The following JAK3 variants were observed in gnomAD, a reference collection of about 807,000 sequenced individuals.
JAK3 encodes tyrosine-protein kinase JAK3.
JAK3 carries 88 observed loss-of-function variants against 120.8 expected under a neutral mutation model. That is an observed-to-expected ratio of 0.73 (90% CI 0.61 to 0.87). JAK3 has a LOEUF of 0.87. Ranked by LOEUF, JAK3 falls within the 40% of genes least tolerant of loss-of-function variation. The pLI, the probability that JAK3 is intolerant of heterozygous loss-of-function variation, is 0.00. For missense variants in JAK3, 1,254 were observed against 1,501.4 expected (o/e 0.84, Z 2.72); for synonymous variants, 592 against 628.6 (o/e 0.94, Z 0.87).
At position 17,839,479 on chromosome 19, in the gene JAK3, T is replaced by C; in HGVS notation, c.1439A>G (p.Lys480Arg). Reference protein sequence around the residue: ...TLTSCCIPRPKEKSNLIVVQR... With the variant: ...TLTSCCIPRPREKSNLIVVQR... ...TTCCAGGGGAGGAAGGGGCTCACCT[T>C]TGGGTCTGGGGATACAGCAGGAAGT... The change falls in exon 10 of 24, where the codon AAA becomes AGA. Residue 480 changes from lysine (K) to arginine (R), a missense_variant and splice_region_variant. This residue lies in a region of JAK3 where 486 missense variants were observed against 503.0 expected (regional missense o/e 0.97). Coordinates refer to ENST00000458235, the MANE Select transcript of JAK3 (RefSeq NM_000215.4). The C allele has an allele frequency of 6.3e-7, 1 of 1,578,254 alleles. No homozygotes were observed. The highest frequency in any genetic ancestry group is 8.6e-7 in the Non-Finnish European group (1 of 1,161,008).
intron 17 of JAK3, 83 bp downstream of exon 17, chr19:17,834,488 G>A (rs755264254): frequency 8.1e-5 from 122 of 1,512,904 alleles, no homozygotes; most frequent in Non-Finnish European, 7.5e-5. Context: ...CACACAGGGC[G>A]TGGCCTGCTG....
rs2302603 is a variant in JAK3 at position 17,830,485 on chromosome 19, T to C, written c.3096+18A>G. The C allele has an allele frequency of 0.34, 540,548 of 1,594,026 alleles. 93,618 individuals carry two copies. Among genetic ancestry groups the C allele is most frequent in the Admixed American group, 0.48 (28,224 of 58,744 alleles). ...GTGGAGGGAGAAGAAGGCTGGGGGC[T>C]CTGGGAAGCCGACTCACGGCCGAGG... On this transcript the variant is annotated intron_variant, in intron 22 of 23. Transcript: ENST00000458235.
At position 17,831,004 on chromosome 19, in the gene JAK3, G is replaced by A. The variant is rs1400060024; in HGVS notation, c.2978+224C>T. Among the ~76,000 whole-genome samples, 2 of 150,670 alleles carry A rather than the reference G, an allele frequency of 1.3e-5. No individual in the cohort carries two copies. The highest frequency in any genetic ancestry group is 2.4e-5 in the African/African-American group (1 of 40,880). ...GGGCGGGGCGAGAGCTGAGAGAAGG[G>A]CGGGGCTAAGGCTGGGGGCCGCTGA... On this transcript the variant is annotated intron_variant, in intron 21 of 23. Coordinates refer to ENST00000458235, the MANE Select transcript of JAK3 (RefSeq NM_000215.4). The surrounding 1 kb of genome is among the most constrained non-coding windows in gnomAD (Gnocchi z 5.1).
chr19:17,834,721 T>C lies in JAK3; in HGVS notation c.2200A>G (p.Lys734Glu). 1 of 1,614,064 alleles carries C rather than the reference T, an allele frequency of 6.2e-7. No individual in the cohort carries two copies. Among genetic ancestry groups the C allele is most frequent in the Non-Finnish European group, 8.5e-7 (1 of 1,179,994 alleles). The part of the protein sequence containing the change: ...MPISALDPAK[K>E]LQFYEDRQQL... The stretch of plus-strand genomic sequence containing the variant: ...TGCCGGTCCTCATAAAATTGGAGTT[T>C]CTGAGGGTGAGAGGAGCAGTCGGTA... Residue 734 changes from lysine to glutamate, a missense_variant and splice_region_variant, in exon 17 of 24, where the codon AAA (lysine) becomes GAA (glutamate). This residue lies in a region of JAK3 where 630 missense variants were observed against 819.8 expected (regional missense o/e 0.77). Coordinates refer to ENST00000458235, the MANE Select transcript of JAK3 (RefSeq NM_000215.4).
Position 17,837,231 on chromosome 19 carries a change from G to A in JAK3, c.1702-18C>T, listed in dbSNP as rs951388124. 3 of 1,552,782 alleles carry A rather than the reference G, an allele frequency of 1.9e-6. No individual in the cohort carries two copies. In the African/African-American group the frequency reaches 4.1e-5, roughly 21 times the overall value. On this transcript the variant is annotated intron_variant, in intron 12 of 23. Coordinates refer to ENST00000458235, the MANE Select transcript of JAK3 (RefSeq NM_000215.4). ...AGGAATGACTGGGGAAGGTGGGAAG[G>A]GAGAGAAGATGCGTGGGTTTCTTCC...
At chr19:17,830,951 G>T (rs1271079903) in intron 21 of JAK3, among the ~76,000 whole-genome samples, 1 of 142,126 alleles carries the variant, frequency 7.0e-6, no homozygotes, top group Non-Finnish European at 1.5e-5. Context: ...CGGAGCCAGC[G>T]TGTTGGAGGG....
intron 17 of JAK3, among the ~76,000 whole-genome samples, chr19:17,834,356 A>AAAAT (rs751242728): frequency 3.9e-5 from 6 of 152,276 alleles, no homozygotes; most frequent in African/African-American, 1.2e-4. Context: ...CTCTGTCTCA[A>AAAAT]AAATAAATAA....
intron 23 of JAK3, among the ~76,000 whole-genome samples, chr19:17,827,795 G>A (rs1229945349): frequency 2.1e-5 from 3 of 141,196 alleles, no homozygotes; most frequent in African/African-American, 5.4e-5. Context: ...CCAGCTACTC[G>A]GGAGTCTAAG....
intron 13 of JAK3, chr19:17,836,845 C>G: frequency 1.9e-6 from 1 of 521,344 alleles, no homozygotes; most frequent in South Asian, 1.9e-5. Context: ...CCAATGAAAC[C>G]AAGGCTCAGA....
Position 17,831,093 on chromosome 19 carries a change from A to G in JAK3, c.2978+135T>C. 11 of 792,498 alleles carry G rather than the reference A, an allele frequency of 1.4e-5. No homozygotes were observed. Among genetic ancestry groups the G allele is most frequent in the Non-Finnish European group, 2.1e-5 (11 of 531,028 alleles). The allele number at this position is 792,498 out of a possible 1,614,324, so 49.1% of individuals were successfully genotyped here. A position where few individuals can be genotyped will look rare whatever the true frequency, so the allele number is the denominator to read the frequency against. On this transcript the variant is annotated intron_variant, in intron 21 of 23. Transcript: ENST00000458235. This position sits in a 1 kb window ranked among gnomAD's most constrained non-coding sequence, Gnocchi z 5.1. ...AGGGGGCGGGGCTCTGGGGAGTGGG[A>G]GGGGCCAAAGCTGCAGCGGAGGAAG...
At chr19:17,837,813 T>C in intron 12 of JAK3, 119 bp downstream of exon 12, 1 of 1,434,284 alleles carries the variant, frequency 7.0e-7, no homozygotes. Context: ...CCCAAAGTGC[T>C]GGGATGACAG....
chr19:17,837,348 G>C (rs1488597127), intron 12 of JAK3, 135 bp from the exon 13 acceptor site: 1 of 712,302 alleles, frequency 1.4e-6, no homozygotes, highest in Admixed American at 2.0e-5. Context: ...TGCCATTAGT[G>C]CACACAGCAC....
intron 10 of JAK3, 174 bp downstream of exon 10, chr19:17,839,303 G>A: frequency 1.4e-6 from 1 of 713,102 alleles, no homozygotes; most frequent in Non-Finnish European, 2.5e-6. Flanking sequence ...CCTAGATCAA[G>A]CCAGACCTAA....
At position 17,839,683 on chromosome 19, in the gene JAK3, C is replaced by T; in HGVS notation, c.1255-20G>A. On this transcript the variant is annotated intron_variant, in intron 9 of 23. Transcript: ENST00000458235. ...GGGGTTCTGCAAAGAAGAGTGGCCCCTGAGTGGGACTGAGCGACAGACACT... is the reference window on the plus strand; with the variant it reads ...GGGGTTCTGCAAAGAAGAGTGGCCCTTGAGTGGGACTGAGCGACAGACACT... 1 of 1,581,916 alleles carries T rather than the reference C, an allele frequency of 6.3e-7. No homozygotes were observed. The highest frequency in any genetic ancestry group is 1.1e-5 in the South Asian group (1 of 88,174).
At chr19:17,847,163 G>C (rs1177130368) in intron 1 of JAK3, among the ~76,000 whole-genome samples, 1 of 152,144 alleles carries the variant, frequency 6.6e-6, no homozygotes, top group Non-Finnish European at 1.5e-5. Flanking sequence ...CTCCCAAAGT[G>C]TTGGGATTAA....
intron 17 of JAK3, among the ~76,000 whole-genome samples, chr19:17,834,262 G>A (rs780523270): frequency 3.3e-5 from 5 of 152,000 alleles, no homozygotes; most frequent in Non-Finnish European, 5.9e-5. Context: ...CAGGAGAATC[G>A]CTTGAACTAG....
rs768522857 is a variant in JAK3, at chr19:17,839,624, G to A, written c.1294C>T (p.Arg432Cys). 5.6e-6 allele frequency: 9 copies of A among 1,611,916 alleles called. No individual in the cohort carries two copies. The highest frequency in any genetic ancestry group is 2.7e-5 in the African/African-American group (2 of 74,902). The change falls in exon 10 of 24, where the codon CGC (arginine) becomes TGC (cysteine). Residue 432 changes from arginine to cysteine, a missense_variant. By Grantham distance (180) the Arg-to-Cys change is radical. This residue lies in a region of JAK3 where 486 missense variants were observed against 503.0 expected (regional missense o/e 0.97). Coordinates refer to ENST00000458235, the MANE Select transcript of JAK3 (RefSeq NM_000215.4). ...GPDYKGCLIR[R>C]SPTGTFLLVG... ...AGAAGGAAGGTTCCTGTGGGGCTGC[G>A]CCGGATGAGGCAGCCCTTATAATCA...
intron 23 of JAK3, among the ~76,000 whole-genome samples, chr19:17,828,967 C>A (rs2094208902): frequency 6.6e-6 from 1 of 151,804 alleles, no homozygotes; most frequent in East Asian, 2.0e-4. Flanking sequence ...CCAGCCTAGG[C>A]AACACAGAGA....
At position 17,839,681 on chromosome 19, in the gene JAK3, C is replaced by CGATCCATCTG; in HGVS notation, c.1255-19_1255-18insCAGATGGATC. The CGATCCATCTG allele has an allele frequency of 6.3e-7, 1 of 1,599,334 alleles. No homozygotes were observed. ...AGGGGGTTCTGCAAAGAAGAGTGGC[C>CGATCCATCTG]CCTGAGTGGGACTGAGCGACAGACA... is the stretch of plus-strand genomic sequence containing the variant. On this transcript the variant is annotated intron_variant, in intron 9 of 23. Transcript: ENST00000458235.
Sources: gnomAD v4.1 joint callset for allele counts (sites outside exome capture counted in the v4.1 genomes callset) on GRCh38, gnomAD v4.1.1 for gene constraint, gnomAD v4.1.1 regional missense constraint, Gnocchi (gnomAD v3.1) non-coding constraint, MANE v1.5 for transcripts, NCBI Gene and HGNC (gene_info 2026-07-23, HGNC 2026-07-21) for gene names.